The following SIGLEC1 variants were observed in gnomAD, a reference collection of about 807,000 sequenced individuals.
SIGLEC1 encodes the protein sialoadhesin.
In SIGLEC1, 132 loss-of-function variants were observed where a neutral mutation model predicts 148.0. That is an observed-to-expected ratio of 0.89 (90% CI 0.77 to 1.03). The LOEUF (loss-of-function observed/expected upper bound fraction) is 1.03. Among genes scored for constraint, SIGLEC1 ranks in the 50% least tolerant of loss-of-function variants. The pLI is 0.00. For synonymous variants in SIGLEC1, 945 were observed against 969.0 expected (o/e 0.98, Z 0.46); for missense variants, 2,253 against 2,271.4 (o/e 0.99, Z 0.16).
At chr20:3,693,199 C>T (rs2088783947) in intron 14 of SIGLEC1, 68 bp from the exon 15 acceptor site, 1 of 1,482,068 alleles carries the variant, frequency 6.7e-7, no homozygotes, top group African/African-American at 1.4e-5. Flanking sequence ...TTGCAGGTGG[C>T]ATTCAAACTC....
At chr20:3,702,295 T>G (rs1248773585) in intron 6 of SIGLEC1, among the ~76,000 whole-genome samples, 1 of 152,138 alleles carries the variant, frequency 6.6e-6, no homozygotes, top group Non-Finnish European at 1.5e-5. Flanking sequence ...TAGATAACAG[T>G]CTTCTATCAG....
Position 3,694,918 on chromosome 20 carries a change from A to G in SIGLEC1, c.2689T>C (p.Trp897Arg), listed in dbSNP as rs1336974696. 2 of 1,609,916 alleles carry G rather than the reference A, an allele frequency of 1.2e-6. No individual in the cohort carries two copies. Among genetic ancestry groups the G allele is most frequent in the South Asian group, 2.2e-5 (2 of 90,766 alleles). The stretch of plus-strand genomic sequence containing the variant: ...TCAGGTGATGGTGACACCTGGACCC[A>G]GGCTCCTGCAGGGGAAAACCAAGAG... ...TSLFFQVRGA[W>R]VQVSPSPELQ... Residue 897 changes from tryptophan (W) to arginine (R), a missense_variant, in exon 12 of 22, where the codon TGG (tryptophan) becomes CGG (arginine). Coordinates refer to ENST00000344754, the MANE Select transcript of SIGLEC1 (RefSeq NM_023068.4).
At position 3,688,551 on chromosome 20, in the gene SIGLEC1, C is replaced by A; in HGVS notation, c.*9G>T. ...ACTTTCTCCTCCGGAGGGCAGGCAA[C>A]ACCACTGGTCAGCCCAGGGGTGGGG... On this transcript the variant is annotated 3_prime_UTR_variant, in exon 22 of 22. Coordinates refer to ENST00000344754, the MANE Select transcript of SIGLEC1 (RefSeq NM_023068.4). 1.3e-6 allele frequency: 2 copies of A among 1,592,760 alleles called. No individual in the cohort carries two copies. The highest frequency in any genetic ancestry group is 1.7e-6 in the Non-Finnish European group (2 of 1,168,524).
intron 11 of SIGLEC1, among the ~76,000 whole-genome samples, chr20:3,696,127 T>TATAC (rs1287298290): frequency 8.8e-6 from 1 of 113,546 alleles, no homozygotes; most frequent in Non-Finnish European, 1.7e-5. Flanking sequence ...AGACTATATA[T>TATAC]ATACACACAC....
At chr20:3,702,938 A>G in intron 6 of SIGLEC1, 1 of 489,156 alleles carries the variant, frequency 2.0e-6, no homozygotes, top group Admixed American at 3.6e-5. Context: ...ATAAATGGGA[A>G]ATCTAGGTTA....
Position 3,689,984 on chromosome 20 carries a change from G to A in SIGLEC1, c.4872C>T (p.Thr1624=). ...CACCTCTGACCCCAAAGTAGGTGGAGGTAGAGGCAGAGCCCAGGACATTTG... is the reference window on the plus strand; with the variant it reads ...CACCTCTGACCCCAAAGTAGGTGGAAGTAGAGGCAGAGCCCAGGACATTTG... The part of the protein sequence containing the change: ...SASNVLGSAS[T]STYFGVRALH... Residue 1624 remains threonine, a synonymous_variant, in exon 19 of 22, where the codon ACC becomes ACT. Coordinates refer to ENST00000344754, the MANE Select transcript of SIGLEC1 (RefSeq NM_023068.4). 1.9e-6 allele frequency: 3 copies of A among 1,612,858 alleles called. No homozygotes were observed. Among genetic ancestry groups the A allele is most frequent in the African/African-American group, 1.3e-5 (1 of 75,042 alleles).
chr20:3,706,010 G>C lies in SIGLEC1; in HGVS notation c.440C>G (p.Pro147Arg), dbSNP rs749590427. The change falls in exon 4 of 22, where the codon CCG (proline) becomes CGG (arginine). Residue 147 changes from proline (P) to arginine (R), a missense_variant. Pro to Arg is a moderately radical substitution (Grantham distance 103, BLOSUM62 -2). Transcript: ENST00000344754. Reference protein sequence around the residue: ...EEPRVPTIASPVELLEGTEVD... With the variant: ...EEPRVPTIASRVELLEGTEVD... ...CTCTGTGCCCTCGAGAAGCTCCACC[G>C]GGGAGGCAATGGTGGGCACCCTGGG... 6.2e-7 allele frequency: 1 copy of C among 1,613,496 alleles called. No homozygotes were observed. Among genetic ancestry groups the C allele is most frequent in the African/African-American group, 1.3e-5 (1 of 74,946 alleles).
intron 1 of SIGLEC1, among the ~76,000 whole-genome samples, chr20:3,707,777 C>A (rs374275368): frequency 6.6e-6 from 1 of 152,228 alleles, no homozygotes; most frequent in East Asian, 1.9e-4. Context: ...TGTCCCCATT[C>A]CCTGCTCTCC....
intron 6 of SIGLEC1, 51 bp from the exon 7 acceptor site, chr20:3,701,692 T>C: frequency 2.0e-6 from 3 of 1,477,530 alleles, no homozygotes; most frequent in Non-Finnish European, 9.1e-7. Flanking sequence ...GGGCATTCCC[T>C]GGATACCCTG....
chr20:3,696,414 GA>G (rs1336750661), intron 11 of SIGLEC1, among the ~76,000 whole-genome samples, 171 bp downstream of exon 11: 1 of 150,192 alleles, frequency 6.7e-6, no homozygotes, highest in African/African-American at 2.5e-5. Flanking sequence ...TATTACAGGT[GA>G]AAATATCTAG....
chr20:3,698,520 C>G (rs906238780), intron 8 of SIGLEC1, among the ~76,000 whole-genome samples: 41 of 152,260 alleles, frequency 2.7e-4, no homozygotes, highest in African/African-American at 9.6e-4. Flanking sequence ...ACCACGGAGC[C>G]TCCCCTCAAG....
At chr20:3,701,690 C>A in intron 6 of SIGLEC1, 49 bp from the exon 7 acceptor site, 1 of 1,478,530 alleles carries the variant, frequency 6.8e-7, no homozygotes, top group Non-Finnish European at 9.1e-7. Flanking sequence ...AAGGGCATTC[C>A]CTGGATACCC....
Position 3,688,382 on chromosome 20 carries a change from C to T in SIGLEC1, c.*178G>A. The stretch of plus-strand genomic sequence containing the variant: ...GGTCAACACCCTCCTGGGCAGACCT[C>T]TCACCACCCATTTTTGGGGGGGCAA... On this transcript the variant is annotated 3_prime_UTR_variant, in exon 22 of 22. Coordinates refer to ENST00000344754, the MANE Select transcript of SIGLEC1 (RefSeq NM_023068.4). The T allele has an allele frequency of 1.5e-6, 1 of 667,110 alleles. No homozygotes were observed. Among genetic ancestry groups the T allele is most frequent in the South Asian group, 1.6e-5 (1 of 62,666 alleles). The allele number at this position is 667,110 out of a possible 1,614,324, so 41.3% of individuals were successfully genotyped here.
chr20:3,712,470 C>T lies in SIGLEC1; in HGVS notation c.-110G>A, dbSNP rs2087934630. 2.0e-5 allele frequency among the ~76,000 whole-genome samples: 3 copies of T among 152,046 alleles called. No individual in the cohort carries two copies. Among genetic ancestry groups the T allele is most frequent in the Admixed American group, 1.3e-4 (2 of 15,272 alleles). On this transcript the variant is annotated splice_region_variant and 5_prime_UTR_variant, in exon 1 of 22. Transcript: ENST00000344754. The stretch of plus-strand genomic sequence containing the variant: ...GCCCAGGGACCAGGGACAGGGGTAC[C>T]TGCTCCACAGAAGGAAGTGGCTGCG...
In SIGLEC1 at chr20:3,692,116, G is replaced by A. The variant is rs1261822535; in HGVS notation, c.4117C>T (p.Pro1373Ser). ...TGAGATAGGGCCAGCTCAGCAGGTG[G>A]CTCACTGTCCACAGTGCACTGTATC... Reference protein sequence around the residue: ...AVIQCTVDSEPPAELALSHDG... With the variant: ...AVIQCTVDSESPAELALSHDG... The change falls in exon 17 of 22, where the codon CCA becomes TCA. Residue 1373 changes from proline to serine, a missense_variant. Pro to Ser is a moderately conservative substitution (Grantham distance 74, BLOSUM62 -1). Transcript: ENST00000344754. The A allele has an allele frequency of 1.9e-6, 3 of 1,606,414 alleles. No homozygotes were observed. The highest frequency in any genetic ancestry group is 2.7e-5 in the African/African-American group (2 of 74,898).
chr20:3,696,681 A>T lies in SIGLEC1; in HGVS notation c.2588T>A (p.Val863Asp). ...AGAGTCCCCAAGGCCCAGTTCTCGG[A>T]CCTCTAACTTCAGGGAGTTGGCCTC... ...KAEANSLKLEVRELGLGDSGS... is the reference protein window; with the variant it reads ...KAEANSLKLEDRELGLGDSGS... Residue 863 changes from valine (V) to aspartate (D), a missense_variant, in exon 11 of 22, where the codon GTC becomes GAC. Coordinates refer to ENST00000344754, the MANE Select transcript of SIGLEC1 (RefSeq NM_023068.4). The T allele has an allele frequency of 6.2e-7, 1 of 1,613,732 alleles. No homozygotes were observed. Among genetic ancestry groups the T allele is most frequent in the Non-Finnish European group, 8.5e-7 (1 of 1,179,974 alleles).
Position 3,705,937 on chromosome 20 carries a change from G to A in SIGLEC1, c.513C>T (p.Val171=), listed in dbSNP as rs112041044. 6.2e-7 allele frequency: 1 copy of A among 1,614,132 alleles called. No homozygotes were observed. The highest frequency in any genetic ancestry group is 1.3e-5 in the African/African-American group (1 of 75,062). The part of the protein sequence containing the change: ...STPYVCLQEQ[V]RLQWQGQDPA... ...GGTCCTGGCCTTGCCACTGCAGTCT[G>A]ACCTGCTCCTGCAGGCATACGTAGG... is the stretch of plus-strand genomic sequence containing the variant. The change falls in exon 4 of 22, where the codon GTC becomes GTT. Residue 171 remains valine (V), a synonymous_variant. Coordinates refer to ENST00000344754, the MANE Select transcript of SIGLEC1 (RefSeq NM_023068.4).
At chr20:3,701,697 A>G in intron 6 of SIGLEC1, 56 bp from the exon 7 acceptor site, 1 of 1,460,066 alleles carries the variant, frequency 6.8e-7, no homozygotes, top group Admixed American at 2.3e-5. Context: ...TTCCCTGGAT[A>G]CCCTGATACA....
chr20:3,697,412 C>G, intron 9 of SIGLEC1, 70 bp from the exon 10 acceptor site: 1 of 1,595,726 alleles, frequency 6.3e-7, no homozygotes, highest in Non-Finnish European at 8.6e-7. Context: ...GCCGCCCAGC[C>G]TGGAAGGAGC....
Sources: allele counts gnomAD v4.1 joint callset (sites outside exome capture counted in the v4.1 genomes callset), GRCh38; gene constraint gnomAD v4.1.1; transcripts MANE v1.5; gene names NCBI Gene and HGNC (gene_info 2026-07-23, HGNC 2026-07-21).